The following IRF2 variants were observed in gnomAD, a reference collection of about 807,000 sequenced individuals.
The protein encoded by IRF2 is interferon regulatory factor 2.
In IRF2, 15 loss-of-function variants were observed where a neutral mutation model predicts 40.6. The ratio of observed to expected loss-of-function variants is 0.37; its 90% CI spans 0.25 to 0.57. IRF2 has a LOEUF of 0.57. Among genes scored for constraint, IRF2 ranks in the 20% least tolerant of loss-of-function variants. IRF2 has a pLI of 0.77. For missense variants in IRF2, 317 were observed against 455.7 expected, an observed-to-expected ratio of 0.70 and a Z score of 2.77; for synonymous variants, 151 against 165.5, an observed-to-expected ratio of 0.91 and a Z score of 0.67.
chr4:184,432,760 G>A (rs1002783901), intron 1 of IRF2, among the ~76,000 whole-genome samples: 2 of 152,208 alleles, frequency 1.3e-5, no homozygotes, highest in South Asian at 2.1e-4. Flanking sequence ...ATGGGCACGT[G>A]AAGCCAAAGG....
intron 6 of IRF2, among the ~76,000 whole-genome samples, chr4:184,404,088 G>A (rs6812958): frequency 0.24 from 37,207 of 152,116 alleles, 5,244 homozygotes; most frequent in South Asian, 0.36. Flanking sequence ...CAGAGAAAGT[G>A]CTTAAAAGCA....
intron 8 of IRF2, among the ~76,000 whole-genome samples, chr4:184,390,330 T>C (rs1361897813): frequency 2.0e-5 from 3 of 152,242 alleles, no homozygotes; most frequent in Non-Finnish European, 1.5e-5. Flanking sequence ...CTTAGCATTT[T>C]GTGACGTGTA....
chr4:184,446,325 G>A (rs1408721051), intron 1 of IRF2, among the ~76,000 whole-genome samples: 1 of 152,220 alleles, frequency 6.6e-6, no homozygotes, highest in Non-Finnish European at 1.5e-5. Context: ...CAGAAAGAGA[G>A]CACCTGTTAG....
At chr4:184,469,475 G>C (rs761919511) in intron 1 of IRF2, among the ~76,000 whole-genome samples, 16 of 152,312 alleles carry the variant, frequency 1.1e-4, no homozygotes, top group Non-Finnish European at 2.1e-4. Context: ...CCAAGGGTTT[G>C]AGACCAGTCT....
At chr4:184,430,495 C>T (rs566647648) in intron 1 of IRF2, among the ~76,000 whole-genome samples, 177 of 152,198 alleles carry the variant, frequency 1.2e-3, no homozygotes, top group Non-Finnish European at 2.3e-3. Flanking sequence ...AGACCACTCC[C>T]GCCTAAAGTA....
Position 184,399,040 on chromosome 4 carries a change from T to C in IRF2, c.569A>G (p.Gln190Arg). The change falls in exon 7 of 9, where the codon CAA becomes CGA. Residue 190 changes from glutamine (Q) to arginine (R), a missense_variant. Coordinates refer to ENST00000393593, the MANE Select transcript of IRF2 (RefSeq NM_002199.4). Reference protein sequence around the residue: ...QSHLDSNIENQEIVTNPPDIC... With the variant: ...QSHLDSNIENREIVTNPPDIC... The stretch of plus-strand genomic sequence containing the variant: ...GTCTGGCGGATTGGTGACAATCTCT[T>C]GATTCTCAATGTTGCTGTCCAGATG... The C allele has an allele frequency of 1.9e-6, 3 of 1,612,132 alleles. No individual in the cohort carries two copies. The highest frequency in any genetic ancestry group is 2.5e-6 in the Non-Finnish European group (3 of 1,179,108).
intron 2 of IRF2, chr4:184,428,709 G>A: frequency 1.9e-6 from 1 of 514,830 alleles, no homozygotes; most frequent in Non-Finnish European, 3.8e-6. Context: ...TGAGGTGGGA[G>A]GATCACTTGA....
chr4:184,436,481 TAA>T (rs1738083234), intron 1 of IRF2, among the ~76,000 whole-genome samples: 1 of 152,156 alleles, frequency 6.6e-6, no homozygotes, highest in African/African-American at 2.4e-5. Flanking sequence ...ATTATAATAA[TAA>T]AAGACTATGC....
intron 1 of IRF2, among the ~76,000 whole-genome samples, chr4:184,443,309 CT>C (rs1738382271): frequency 6.6e-6 from 1 of 152,212 alleles, no homozygotes; most frequent in Non-Finnish European, 1.5e-5. Flanking sequence ...AATGATCCTG[CT>C]GTCCAAGTAG....
At position 184,448,501 on chromosome 4, in the gene IRF2, G is replaced by A. The variant is rs1738597274; in HGVS notation, c.-6-19431C>T. ...GAAATAAGACGGCCAAAGAGCTCTC[G>A]TGCGTATTTGAGAGAAAAGCGCTCA... On this transcript the variant is annotated intron_variant, in intron 1 of 8. Transcript: ENST00000393593. The surrounding 1 kb of genome is among the most constrained non-coding windows in gnomAD (Gnocchi z 4.3). Among the ~76,000 whole-genome samples, 1 of 152,178 alleles carries A rather than the reference G, an allele frequency of 6.6e-6. No homozygotes were observed. The highest frequency in any genetic ancestry group is 1.5e-5 in the Non-Finnish European group (1 of 68,028).
At chr4:184,402,078 GA>G (rs1325799975) in intron 6 of IRF2, among the ~76,000 whole-genome samples, 3 of 152,196 alleles carry the variant, frequency 2.0e-5, no homozygotes, top group Non-Finnish European at 4.4e-5. Flanking sequence ...AGGAGCAGCG[GA>G]AGATCGATGC....
At chr4:184,407,821 C>T (rs967175868) in intron 6 of IRF2, among the ~76,000 whole-genome samples, 2 of 152,232 alleles carry the variant, frequency 1.3e-5, no homozygotes, top group Non-Finnish European at 2.9e-5. Flanking sequence ...CATCTTCCCT[C>T]TCCTTGGTTC....
At chr4:184,409,518 C>T (rs975507257) in intron 5 of IRF2, among the ~76,000 whole-genome samples, 2 of 152,190 alleles carry the variant, frequency 1.3e-5, no homozygotes, top group Non-Finnish European at 2.9e-5. Flanking sequence ...CCCAGAATAT[C>T]CATCCCTACC....
chr4:184,389,888 G>A (rs749660155), intron 8 of IRF2, among the ~76,000 whole-genome samples: 23 of 152,154 alleles, frequency 1.5e-4, no homozygotes, highest in Non-Finnish European at 2.9e-4. Context: ...AAATGGGGGC[G>A]GCTTAGAGCT....
At chr4:184,441,517 T>A (rs1221900291) in intron 1 of IRF2, among the ~76,000 whole-genome samples, 2 of 152,228 alleles carry the variant, frequency 1.3e-5, no homozygotes, top group Non-Finnish European at 1.5e-5. Context: ...TTAAAAAGCC[T>A]GATGCACACT....
Position 184,401,292 on chromosome 4 carries a change from T to C in IRF2, c.530-2213A>G, listed in dbSNP as rs376525654. Among the ~76,000 whole-genome samples, 4 of 152,358 alleles carry C rather than the reference T, an allele frequency of 2.6e-5. No individual in the cohort carries two copies. In the South Asian group the frequency reaches 8.3e-4, roughly 32 times the overall value. ...GTGGAGTGACAAGCACATTATCTGA[T>C]TTCTACGCAGGGAAGGTTTTAGAGG... On this transcript the variant is annotated intron_variant, in intron 6 of 8. Transcript: ENST00000393593.
chr4:184,387,900 T>C lies in IRF2; in HGVS notation c.*858A>G, dbSNP rs1049125582. On this transcript the variant is annotated 3_prime_UTR_variant, in exon 9 of 9. Transcript: ENST00000393593. ...AGGAATCTTAAAATTATAAATTTGC[T>C]GTAGAAAAGATAAAAAACAATTATA... 1 of 152,566 alleles carries C rather than the reference T, an allele frequency of 6.6e-6. No individual in the cohort carries two copies. The highest frequency in any genetic ancestry group is 2.4e-5 in the African/African-American group (1 of 41,444). 9.5% of individuals were successfully genotyped at this position (152,566 alleles called of 1,614,324 possible). A position where few individuals can be genotyped will look rare whatever the true frequency, so the allele number is the denominator to read the frequency against.
intron 1 of IRF2, among the ~76,000 whole-genome samples, chr4:184,440,144 A>G (rs1408749722): frequency 6.6e-6 from 1 of 152,238 alleles, no homozygotes; most frequent in Admixed American, 6.5e-5. Context: ...TCCCTGGCTC[A>G]GTAGCCACTT....
chr4:184,418,291 T>C lies in IRF2; in HGVS notation c.365-78A>G, dbSNP rs1005491706. 3.2e-5 allele frequency: 37 copies of C among 1,173,848 alleles called. No individual in the cohort carries two copies. In the East Asian group the frequency reaches 7.5e-4, roughly 24 times the overall value. 72.7% of individuals were successfully genotyped at this position (1,173,848 alleles called of 1,614,324 possible). A position where few individuals can be genotyped will look rare whatever the true frequency, so the allele number is the denominator to read the frequency against. The stretch of plus-strand genomic sequence containing the variant: ...AACATTTCCCTCAAATTAAATTCTT[T>C]CTGAAACTCTCAATGAACCTGTTGC... On this transcript the variant is annotated intron_variant, in intron 4 of 8. Coordinates refer to ENST00000393593, the MANE Select transcript of IRF2 (RefSeq NM_002199.4).
Sources: allele counts gnomAD v4.1 joint callset (sites outside exome capture counted in the v4.1 genomes callset), GRCh38; gene constraint gnomAD v4.1.1; non-coding constraint Gnocchi (gnomAD v3.1); transcripts MANE v1.5; gene names NCBI Gene and HGNC (gene_info 2026-07-23, HGNC 2026-07-21).